The following KCTD10 variants were observed in gnomAD, a reference collection of about 807,000 sequenced individuals.
The protein encoded by KCTD10 is potassium channel tetramerization domain containing 10.
Under a neutral mutation model 34.6 loss-of-function variants are expected in KCTD10, and 13 were observed. The ratio of observed to expected loss-of-function variants is 0.38; its 90% confidence interval spans 0.24 to 0.60. The LOEUF (loss-of-function observed/expected upper bound fraction) is 0.60, where lower values mean the gene tolerates loss of function less well. KCTD10 is among the 20% of genes least tolerant of loss of function. The pLI is 0.66. For missense variants in KCTD10, 256 were observed against 420.3 expected, an observed-to-expected ratio of 0.61 and a Z score of 3.42; for synonymous variants, 156 against 168.8, an observed-to-expected ratio of 0.92 and a Z score of 0.59.
intron 5 of KCTD10, 88 bp from the exon 6 acceptor site, chr12:109,456,401 G>A (rs1160261945): frequency 8.7e-7 from 1 of 1,145,616 alleles, no homozygotes; most frequent in East Asian, 2.4e-5. Flanking sequence ...GCCCTACTGA[G>A]CCCACTTTCT....
intron 2 of KCTD10, among the ~76,000 whole-genome samples, chr12:109,467,078 G>A (rs1386547676): frequency 6.6e-6 from 1 of 152,240 alleles, no homozygotes; most frequent in Non-Finnish European, 1.5e-5. Context: ...CCACCAGAGG[G>A]CTTTAGCACA....
chr12:109,458,220 T>C (rs1200433451), intron 3 of KCTD10, 142 bp from the exon 4 acceptor site: 2 of 636,164 alleles, frequency 3.1e-6, no homozygotes, highest in Non-Finnish European at 5.6e-6. Context: ...ACCAGTGAAC[T>C]AGATGGGGGA....
At chr12:109,470,999 G>T in intron 1 of KCTD10, 1 of 449,034 alleles carries the variant, frequency 2.2e-6, no homozygotes, top group Non-Finnish European at 2.9e-6. Flanking sequence ...TCTCTGAGAT[G>T]TCCCACAGTT....
intron 6 of KCTD10, among the ~76,000 whole-genome samples, chr12:109,452,835 G>C (rs901855602): frequency 2.4e-3 from 187 of 78,434 alleles, no homozygotes; most frequent in Non-Finnish European, 3.2e-3. Context: ...GGAAATCCTG[G>C]TTTTCTTTCC....
chr12:109,452,854 T>TTTTTTTA (rs1228946105), intron 6 of KCTD10, among the ~76,000 whole-genome samples: 1 of 151,152 alleles, frequency 6.6e-6, no homozygotes, highest in African/African-American at 2.5e-5. Context: ...CCTTTTTTTT[T>TTTTTTTA]AAAAGATATG....
At chr12:109,472,577 GATA>G (rs1263909152) in intron 1 of KCTD10, among the ~76,000 whole-genome samples, 2 of 151,856 alleles carry the variant, frequency 1.3e-5, no homozygotes, top group African/African-American at 2.4e-5. Context: ...ATTAACCAGT[GATA>G]TATCTATCAA....
Position 109,468,446 on chromosome 12 carries a change from C to G in KCTD10, c.217+1069G>C, listed in dbSNP as rs149566138. Among the ~76,000 whole-genome samples the G allele has an allele frequency of 1.8e-3, 273 of 152,222 alleles. 1 individual carries two copies. Among genetic ancestry groups the G allele is most frequent in the Non-Finnish European group, 3.0e-3 (206 of 68,016 alleles). On this transcript the variant is annotated intron_variant, in intron 2 of 6. Transcript: ENST00000228495. ...AAGACCAGTCTCAGAAACAGGAAGGCGGGGTCAAGGTCAAGCCAGGCTGTG... is the reference window on the plus strand; with the variant it reads ...AAGACCAGTCTCAGAAACAGGAAGGGGGGGTCAAGGTCAAGCCAGGCTGTG...
Position 109,460,052 on chromosome 12 carries a change from T to C in KCTD10, c.387+584A>G, listed in dbSNP as rs1355963679. Among the ~76,000 whole-genome samples, 2 of 152,204 alleles carry C rather than the reference T, an allele frequency of 1.3e-5. No homozygotes were observed. The highest frequency in any genetic ancestry group is 1.3e-4 in the Admixed American group (2 of 15,282). On this transcript the variant is annotated intron_variant, in intron 3 of 6. Transcript: ENST00000228495. The surrounding 1 kb of genome is among the most constrained non-coding windows in gnomAD (Gnocchi z 4.5). Reference sequence around the variant, plus strand: ...CGGTGCGGGGCCAGACACAGACATGTGGTGTGGGGGAGGCCCAAACAAGGG... The same window carrying C: ...CGGTGCGGGGCCAGACACAGACATGCGGTGTGGGGGAGGCCCAAACAAGGG...
chr12:109,456,545 C>A, intron 5 of KCTD10: 1 of 544,038 alleles, frequency 1.8e-6, no homozygotes, highest in Non-Finnish European at 3.3e-6. Context: ...CAGACACGCC[C>A]CCCAAAAGAC....
At chr12:109,470,712 A>G in intron 1 of KCTD10, 1 of 415,956 alleles carries the variant, frequency 2.4e-6, no homozygotes, top group Non-Finnish European at 3.2e-6. Flanking sequence ...AGACAAAAAC[A>G]GGACCATTCA....
Position 109,460,686 on chromosome 12 carries a change from T to C in KCTD10, c.337A>G (p.Lys113Glu). 1 of 1,614,114 alleles carries C rather than the reference T, an allele frequency of 6.2e-7. No individual in the cohort carries two copies. Among genetic ancestry groups the C allele is most frequent in the Non-Finnish European group, 8.5e-7 (1 of 1,180,010 alleles). ...ACCAGGCCTTGGACTAGGTAGTACTTGGCTTCTGCTAGCAGCTCCTCGATC... is the reference window on the plus strand; with the variant it reads ...ACCAGGCCTTGGACTAGGTAGTACTCGGCTTCTGCTAGCAGCTCCTCGATC... ...REIEELLAEA[K>E]YYLVQGLVEE... is the part of the protein sequence containing the mutation. Residue 113 changes from lysine (K) to glutamate (E), a missense_variant, in exon 3 of 7, where the codon AAG becomes GAG. Physicochemically the swap from Lys to Glu is moderately conservative, Grantham distance 56 (BLOSUM62 1). Transcript: ENST00000228495. The surrounding 1 kb of genome is among the most constrained non-coding windows in gnomAD (Gnocchi z 4.5).
In KCTD10 at chr12:109,469,485, C is replaced by CAG; in HGVS notation, c.217+28_217+29dup. On this transcript the variant is annotated intron_variant, in intron 2 of 6. Transcript: ENST00000228495. Reference sequence around the variant, plus strand: ...CCTCCTTGACCACATAACGCATGGCCAGAGGCAGGCACATGGTGGGTGAGC... The same window carrying CAG: ...CCTCCTTGACCACATAACGCATGGCCAGAGAGGCAGGCACATGGTGGGTGAGC... The CAG allele has an allele frequency of 2.5e-6, 4 of 1,609,940 alleles. No homozygotes were observed. In the South Asian group the frequency reaches 3.3e-5, roughly 13 times the overall value.
intron 2 of KCTD10, among the ~76,000 whole-genome samples, chr12:109,468,270 T>C (rs933838906): frequency 6.6e-6 from 1 of 152,130 alleles, no homozygotes; most frequent in Non-Finnish European, 1.5e-5. Context: ...AGGAATGTCC[T>C]CACCAGTGGG....
Position 109,449,011 on chromosome 12 carries a change from A to G in KCTD10, c.*2584T>C, listed in dbSNP as rs1011344277. The G allele has an allele frequency of 6.6e-6, 1 of 152,156 alleles. No homozygotes were observed. The highest frequency in any genetic ancestry group is 1.5e-5 in the Non-Finnish European group (1 of 68,054). The allele number at this position is 152,156 out of a possible 1,614,324, so 9.4% of individuals were successfully genotyped here. ...TCAGATGGCTTATTTGAAACAAACAAACAAAAAAAACCCTTGATTACGACA... is the reference window on the plus strand; with the variant it reads ...TCAGATGGCTTATTTGAAACAAACAGACAAAAAAAACCCTTGATTACGACA... On this transcript the variant is annotated 3_prime_UTR_variant, in exon 7 of 7. Coordinates refer to ENST00000228495, the MANE Select transcript of KCTD10 (RefSeq NM_031954.5).
chr12:109,473,782 CTTTT>C (rs34468971), intron 1 of KCTD10, among the ~76,000 whole-genome samples: 5 of 138,684 alleles, frequency 3.6e-5, no homozygotes, highest in East Asian at 4.2e-4. Context: ...TGGAATCCTG[CTTTT>C]TTTTTTTTTT....
At chr12:109,465,192 G>A (rs1873534139) in intron 2 of KCTD10, among the ~76,000 whole-genome samples, 1 of 152,144 alleles carries the variant, frequency 6.6e-6, no homozygotes, top group South Asian at 2.1e-4. Flanking sequence ...ACAGAATATG[G>A]CTCCGGCAGC....
At chr12:109,464,975 A>C in intron 2 of KCTD10, 2 of 396,926 alleles carry the variant, frequency 5.0e-6, no homozygotes, top group Middle Eastern at 4.4e-4. Context: ...TAAGATCTTA[A>C]AGCCATAGCC....
At chr12:109,464,815 C>G (rs571614359) in intron 2 of KCTD10, 1 of 456,000 alleles carries the variant, frequency 2.2e-6, no homozygotes, top group East Asian at 7.0e-5. Context: ...TGGACAGTGC[C>G]AAGGGTTGGC....
chr12:109,472,287 C>CT (rs1427423398), intron 1 of KCTD10, among the ~76,000 whole-genome samples: 1 of 151,668 alleles, frequency 6.6e-6, no homozygotes, highest in Non-Finnish European at 1.5e-5. Context: ...GCTTTTTTCT[C>CT]TTTTTTTACT....
Sources: gnomAD v4.1 joint callset for allele counts (sites outside exome capture counted in the v4.1 genomes callset) on GRCh38, gnomAD v4.1.1 for gene constraint, Gnocchi (gnomAD v3.1) non-coding constraint, MANE v1.5 for transcripts, NCBI Gene and HGNC (gene_info 2026-07-23, HGNC 2026-07-21) for gene names.